TBXAS1: variants seen among roughly 807,000 people sequenced by gnomAD.
TBXAS1 encodes thromboxane-A synthase.
Under a neutral mutation model 60.7 loss-of-function variants are expected in TBXAS1, and 48 were observed. The observed-to-expected ratio is 0.79, with a 90% CI of 0.63 to 1.01. TBXAS1 has a LOEUF of 1.01. Ranked by LOEUF, TBXAS1 falls within the 50% of genes least tolerant of loss-of-function variation. TBXAS1 has a pLI of 0.00. For missense variants in TBXAS1, 685 were observed against 686.3 expected, an observed-to-expected ratio of 1.00 and a Z score of 0.02; for synonymous variants, 287 against 269.7, an observed-to-expected ratio of 1.06 and a Z score of -0.63.
At chr7:139,794,769 GT>G (rs1797503320) in intron 4 of TBXAS1, among the ~76,000 whole-genome samples, 1 of 148,730 alleles carries the variant, frequency 6.7e-6, no homozygotes, top group African/African-American at 2.5e-5. Context: ...GCGGTGTTTG[GT>G]TTTTTGTTCT....
intron 3 of TBXAS1, among the ~76,000 whole-genome samples, chr7:139,895,811 C>G (rs1804042377): frequency 6.6e-6 from 1 of 152,206 alleles, no homozygotes; most frequent in Non-Finnish European, 1.5e-5. Context: ...AGACCTGAGA[C>G]TGGCTGGGGC....
chr7:139,914,223 A>G lies in TBXAS1; in HGVS notation c.333+2902A>G, dbSNP rs187395910. ...TTTAAAAAAAAAAAATTTGGCAGAG[A>G]TGGGGGTCTTACTATGTCGCCAAGG... On this transcript the variant is annotated intron_variant, in intron 4 of 12. Coordinates refer to ENST00000448866, the MANE Select transcript of TBXAS1 (RefSeq NM_001061.7). 2.3e-3 allele frequency among the ~76,000 whole-genome samples: 347 copies of G among 151,508 alleles called. 7 individuals carry two copies. The highest frequency in any genetic ancestry group is 0.021 in the Admixed American group (313 of 15,218).
intron 9 of TBXAS1, among the ~76,000 whole-genome samples, chr7:139,983,830 C>G (rs1277568120): frequency 6.6e-6 from 1 of 152,188 alleles, no homozygotes; most frequent in Non-Finnish European, 1.5e-5. Context: ...TTTGCAGAAT[C>G]CAAACTCAGG....
At chr7:139,913,532 A>G (rs1805710541) in intron 4 of TBXAS1, 1 of 226,446 alleles carries the variant, frequency 4.4e-6, no homozygotes, top group Non-Finnish European at 9.1e-6. Flanking sequence ...TGACCCTGAG[A>G]GCTGACCTAG....
intron 4 of TBXAS1, among the ~76,000 whole-genome samples, chr7:139,812,119 G>C (rs909365422): frequency 3.3e-5 from 5 of 152,188 alleles, no homozygotes; most frequent in Admixed American, 2.6e-4. Flanking sequence ...TGCCGTCCTT[G>C]AAAAGCAGCA....
intron 4 of TBXAS1, among the ~76,000 whole-genome samples, chr7:139,823,509 G>A (rs1798353889): frequency 2.0e-5 from 3 of 152,014 alleles, no homozygotes; most frequent in Admixed American, 2.0e-4. Context: ...GCTTCCAAAG[G>A]GCCCCTAATA....
intron 8 of TBXAS1, 39 bp from the exon 9 acceptor site, chr7:139,961,880 T>G: frequency 1.2e-6 from 2 of 1,613,490 alleles, no homozygotes; most frequent in Non-Finnish European, 1.7e-6. Flanking sequence ...TTCATGACTG[T>G]AAGGTCAAAA....
chr7:139,830,195 A>C (rs1178500817), intron 1 of TBXAS1, among the ~76,000 whole-genome samples: 2 of 152,198 alleles, frequency 1.3e-5, no homozygotes, highest in African/African-American at 4.8e-5. Flanking sequence ...TCGCCCTGTC[A>C]GTTAAACTTA....
At chr7:139,959,535 T>C (rs533686731) in intron 8 of TBXAS1, among the ~76,000 whole-genome samples, 8 of 152,220 alleles carry the variant, frequency 5.3e-5, no homozygotes, top group African/African-American at 1.7e-4. Context: ...CTAATGTTCT[T>C]CTCCAGTGCA....
At chr7:139,899,787 G>A (rs1804429204) in intron 3 of TBXAS1, among the ~76,000 whole-genome samples, 1 of 152,132 alleles carries the variant, frequency 6.6e-6, no homozygotes, top group African/African-American at 2.4e-5. Flanking sequence ...ACAGCTGGGA[G>A]CCTGCCTGCT....
At chr7:139,980,683 GTT>G (rs1811898655) in intron 9 of TBXAS1, among the ~76,000 whole-genome samples, 1 of 151,058 alleles carries the variant, frequency 6.6e-6, no homozygotes, top group African/African-American at 2.4e-5. Context: ...TCTATTTTCT[GTT>G]CAGGATAAAC....
At chr7:140,005,437 A>AT (rs1369893715) in intron 9 of TBXAS1, among the ~76,000 whole-genome samples, 14 of 152,136 alleles carry the variant, frequency 9.2e-5, no homozygotes, top group Non-Finnish European at 1.8e-4. Flanking sequence ...TCAAAAAAAA[A>AT]ATAAATAAAT....
intron 1 of TBXAS1, among the ~76,000 whole-genome samples, chr7:139,863,198 T>C (rs569793990): frequency 2.6e-5 from 4 of 152,196 alleles, no homozygotes; most frequent in Non-Finnish European, 4.4e-5. Context: ...ATAGTAATGA[T>C]TGTGTAACTC....
intron 3 of TBXAS1, among the ~76,000 whole-genome samples, chr7:139,907,317 G>T (rs558300146): frequency 6.6e-6 from 1 of 152,258 alleles, no homozygotes; most frequent in East Asian, 1.9e-4. Flanking sequence ...AGTTAATATG[G>T]TGAATTATAT....
chr7:139,904,122 T>G (rs1804787234), intron 3 of TBXAS1, among the ~76,000 whole-genome samples: 1 of 152,066 alleles, frequency 6.6e-6, no homozygotes, highest in Non-Finnish European at 1.5e-5. Flanking sequence ...CTTGAGTGAA[T>G]TTTTGTATGA....
At chr7:140,017,944 G>A in intron 12 of TBXAS1, 111 bp downstream of exon 12, 1 of 1,487,266 alleles carries the variant, frequency 6.7e-7, no homozygotes. Flanking sequence ...CTGCCTCCGT[G>A]AGCTTGGGCA....
intron 4 of TBXAS1, among the ~76,000 whole-genome samples, chr7:139,920,886 C>T (rs1446235958): frequency 8.5e-5 from 13 of 152,140 alleles, no homozygotes; most frequent in African/African-American, 1.2e-4. Flanking sequence ...CAATACAGCC[C>T]GACAAGCGTG....
chr7:139,958,030 C>T (rs1013883462), intron 8 of TBXAS1, among the ~76,000 whole-genome samples: 2 of 152,150 alleles, frequency 1.3e-5, no homozygotes, highest in Non-Finnish European at 2.9e-5. Flanking sequence ...AAAGCCGCCC[C>T]CAAAACTGTC....
At chr7:139,829,233 C>A, upstream of TBXAS1, 1 of 716,630 alleles carries the variant, frequency 1.4e-6, no homozygotes. Context: ...TATAGGGAGA[C>A]ACTCTGAGAA....
Sources: gnomAD v4.1 joint callset for allele counts (sites outside exome capture counted in the v4.1 genomes callset) on GRCh38, gnomAD v4.1.1 for gene constraint, MANE v1.5 for transcripts, NCBI Gene and HGNC (gene_info 2026-07-23, HGNC 2026-07-21) for gene names.